FHIP2A: variants seen among roughly 807,000 people sequenced by gnomAD.
FHIP2A encodes family with sequence similarity 160 member B1.
Under a neutral mutation model 93.5 loss-of-function variants are expected in FHIP2A, and 46 were observed. That is an observed-to-expected ratio of 0.49 (90% CI 0.39 to 0.63). The LOEUF (loss-of-function observed/expected upper bound fraction) is 0.63. FHIP2A is among the 20% of genes least tolerant of loss of function. The pLI, the probability that FHIP2A is intolerant of heterozygous loss-of-function variation, is 0.00. For missense variants in FHIP2A, 769 were observed against 909.7 expected, an observed-to-expected ratio of 0.85 and a Z score of 1.99; for synonymous variants, 332 against 326.5, an observed-to-expected ratio of 1.02 and a Z score of -0.18.
chr10:114,880,680 AACACACACACAC>A (rs71473073), intron 16 of FHIP2A, among the ~76,000 whole-genome samples: 3 of 144,042 alleles, frequency 2.1e-5, no homozygotes, highest in Non-Finnish European at 4.5e-5. Context: ...ACTCCATGTC[AACACACACACAC>A]ACACACACAC....
rs991458628 is a variant in FHIP2A, at chr10:114,863,669, A to C, written c.*2129A>C. ...TTTAGTTCAGACCTAGAGCCAGTAG[A>C]AGCTCTCACAGTGAGTTCAATTTGT... On this transcript the variant is annotated 3_prime_UTR_variant, in exon 17 of 17. Transcript: ENST00000369248. 1.5e-6 allele frequency: 2 copies of C among 1,301,960 alleles called. No homozygotes were observed. The highest frequency in any genetic ancestry group is 2.0e-6 in the Non-Finnish European group (2 of 988,116). The allele number at this position is 1,301,960 out of a possible 1,614,324, so 80.7% of individuals were successfully genotyped here.
chr10:114,847,294 A>G, intron 12 of FHIP2A, 61 bp downstream of exon 12: 1 of 1,489,220 alleles, frequency 6.7e-7, no homozygotes, highest in East Asian at 2.3e-5. Flanking sequence ...GTTTATTAGT[A>G]TTATTATTTT....
Position 114,861,654 on chromosome 10 carries a change from T to A in FHIP2A, c.*114T>A. On this transcript the variant is annotated 3_prime_UTR_variant, in exon 17 of 17. Transcript: ENST00000369248. Reference sequence around the variant, plus strand: ...AAAGCCTTTTTAAACGCAGTATTGCTGTAAACTGGACAGAACCATTAAGAA... The same window carrying A: ...AAAGCCTTTTTAAACGCAGTATTGCAGTAAACTGGACAGAACCATTAAGAA... 6.8e-7 allele frequency: 1 copy of A among 1,469,240 alleles called. No homozygotes were observed. The highest frequency in any genetic ancestry group is 8.9e-7 in the Non-Finnish European group (1 of 1,117,396). 91.0% of individuals were successfully genotyped at this position (1,469,240 alleles called of 1,614,324 possible). A position where few individuals can be genotyped will look rare whatever the true frequency, so the allele number is the denominator to read the frequency against.
intron 16 of FHIP2A, among the ~76,000 whole-genome samples, chr10:114,891,233 T>TATATATATAC (rs1555248146): frequency 2.7e-5 from 4 of 149,886 alleles, no homozygotes; most frequent in African/African-American, 7.3e-5. Flanking sequence ...TATATATATA[T>TATATATATAC]ATATATATGC....
At chr10:114,891,489 G>T (rs2083973543) in intron 16 of FHIP2A, among the ~76,000 whole-genome samples, 1 of 148,636 alleles carries the variant, frequency 6.7e-6, no homozygotes, top group African/African-American at 2.5e-5. Flanking sequence ...CAAATTTAAA[G>T]CAAATAATAA....
intron 5 of FHIP2A, 63 bp downstream of exon 5, chr10:114,836,309 A>G (rs2083636778): frequency 6.2e-6 from 8 of 1,292,178 alleles, no homozygotes; most frequent in Admixed American, 4.0e-5. Flanking sequence ...TGAAAATTGA[A>G]TTATGTGAAT....
At chr10:114,833,204 A>G (rs376098540) in intron 2 of FHIP2A, 29 bp from the exon 3 acceptor site, 2 of 1,563,334 alleles carry the variant, frequency 1.3e-6, no homozygotes, top group African/African-American at 1.4e-5. Flanking sequence ...AAATGTTTAA[A>G]TATTTGATGA....
intron 16 of FHIP2A, among the ~76,000 whole-genome samples, chr10:114,875,892 G>GAGAA (rs1262130206): frequency 4.2e-5 from 3 of 71,786 alleles, no homozygotes; most frequent in African/African-American, 4.8e-5. Flanking sequence ...AAGAAAGAGA[G>GAGAA]AGAAAGAAAT....
chr10:114,863,563 C>T lies in FHIP2A; in HGVS notation c.*2023C>T, dbSNP rs192467472. 2.5e-3 allele frequency: 3,075 copies of T among 1,210,260 alleles called. 9 individuals carry two copies. The highest frequency in any genetic ancestry group is 3.0e-3 in the Non-Finnish European group (2,866 of 954,460). 75.0% of individuals were successfully genotyped at this position (1,210,260 alleles called of 1,614,324 possible). A position where few individuals can be genotyped will look rare whatever the true frequency, so the allele number is the denominator to read the frequency against. On this transcript the variant is annotated 3_prime_UTR_variant, in exon 17 of 17. Coordinates refer to ENST00000369248, the MANE Select transcript of FHIP2A (RefSeq NM_020940.4). ...TAATTTTTCTAAGTTGTTGTAATGACTTTAATTTGTAATCAGCTAAGGCTT... is the reference window on the plus strand; with the variant it reads ...TAATTTTTCTAAGTTGTTGTAATGATTTTAATTTGTAATCAGCTAAGGCTT...
exon 17 of FHIP2A, chr10:114,899,572 G>A (rs1443541143): frequency 2.8e-6 from 2 of 716,366 alleles, no homozygotes; most frequent in African/African-American, 1.8e-5. Flanking sequence ...AAAGAATCTC[G>A]ATGGTTTCCA....
In FHIP2A at chr10:114,822,090, G is replaced by A; in HGVS notation, c.12G>A (p.Lys4=). MFS[K]FTSILQHAVE... ...AGTCCCGGGACAGGATGTTCTCCAA[G>A]TTCACCTCCATCCTGCAGCACGCCG... The change falls in exon 1 of 17, where the codon AAG becomes AAA. Residue 4 remains lysine, a synonymous_variant. Transcript: ENST00000369248. 7.4e-7 allele frequency: 1 copy of A among 1,344,086 alleles called. No homozygotes were observed. Among genetic ancestry groups the A allele is most frequent in the Non-Finnish European group, 9.8e-7 (1 of 1,025,512 alleles). 83.3% of individuals were successfully genotyped at this position (1,344,086 alleles called of 1,614,324 possible).
At chr10:114,880,183 TG>T (rs2083909901) in intron 16 of FHIP2A, among the ~76,000 whole-genome samples, 1 of 152,122 alleles carries the variant, frequency 6.6e-6, no homozygotes, top group African/African-American at 2.4e-5. Flanking sequence ...GAAGTAAACT[TG>T]GGCTTGCCTA....
In FHIP2A at chr10:114,847,221, A is replaced by G. The variant is rs1399207032; in HGVS notation, c.1700A>G (p.Lys567Arg). The G allele has an allele frequency of 6.2e-5, 99 of 1,608,034 alleles. No individual in the cohort carries two copies. The highest frequency in any genetic ancestry group is 7.6e-5 in the Non-Finnish European group (90 of 1,178,534). The change falls in exon 12 of 17, where the codon AAA (lysine) becomes AGA (arginine). Residue 567 changes from lysine to arginine, a missense_variant. Coordinates refer to ENST00000369248, the MANE Select transcript of FHIP2A (RefSeq NM_020940.4). ...AATGATGGAAAAACTGAAGTTCATAAAATTGTAAATAGGTGAGTTGCTATA... is the reference window on the plus strand; with the variant it reads ...AATGATGGAAAAACTGAAGTTCATAGAATTGTAAATAGGTGAGTTGCTATA... ...PKNDGKTEVHKIVNSFLCLVP... is the reference protein window; with the variant it reads ...PKNDGKTEVHRIVNSFLCLVP...
At chr10:114,840,704 G>T (rs1413805041) in intron 5 of FHIP2A, among the ~76,000 whole-genome samples, 2 of 152,162 alleles carry the variant, frequency 1.3e-5, no homozygotes, top group African/African-American at 2.4e-5. Context: ...GGGAAAGGAT[G>T]ATTTGAATGC....
At chr10:114,836,365 T>C in intron 5 of FHIP2A, 119 bp downstream of exon 5, 1 of 778,266 alleles carries the variant, frequency 1.3e-6, no homozygotes. Flanking sequence ...CTTGTTTTAC[T>C]TCCCAGAATT....
chr10:114,867,152 T>G (rs1266970335), downstream of FHIP2A, among the ~76,000 whole-genome samples: 1 of 148,956 alleles, frequency 6.7e-6, no homozygotes, highest in Admixed American at 6.8e-5. Context: ...GAGGTTTCAG[T>G]GAGCAGAGAT....
At chr10:114,840,279 C>T (rs570940361) in intron 5 of FHIP2A, among the ~76,000 whole-genome samples, 1 of 152,160 alleles carries the variant, frequency 6.6e-6, no homozygotes, top group East Asian at 1.9e-4. Flanking sequence ...AGTGGGTGAA[C>T]ATAAGGAATG....
At chr10:114,870,544 C>A (rs760595560) in intron 16 of FHIP2A, among the ~76,000 whole-genome samples, 2 of 152,116 alleles carry the variant, frequency 1.3e-5, no homozygotes, top group Non-Finnish European at 2.9e-5. Flanking sequence ...AAAAAACTTT[C>A]CAGCTAGACA....
At chr10:114,854,631 G>C (rs773922955) in intron 13 of FHIP2A, among the ~76,000 whole-genome samples, 1 of 152,222 alleles carries the variant, frequency 6.6e-6, no homozygotes, top group Non-Finnish European at 1.5e-5. Flanking sequence ...TTAAGTGCTT[G>C]CTCTTGCTTT....
Sources: allele counts gnomAD v4.1 joint callset (sites outside exome capture counted in the v4.1 genomes callset), GRCh38; gene constraint gnomAD v4.1.1; transcripts MANE v1.5; gene names NCBI Gene and HGNC (gene_info 2026-07-23, HGNC 2026-07-21).